Variants in NBPF6 observed in about 807,000 individuals in gnomAD.
NBPF6 encodes the protein NBPF member 6.
A neutral mutation model predicts 20.8 loss-of-function variants in NBPF6; 2 were observed. The observed-to-expected ratio is 0.10, with a 90% CI of 0.04 to 0.30. The LOEUF (loss-of-function observed/expected upper bound fraction) is 0.30, where lower values mean the gene tolerates loss of function less well. NBPF6 is among the 10% of genes least tolerant of loss of function. The pLI, the probability that NBPF6 is intolerant of heterozygous loss-of-function variation, is 1.00. For synonymous variants in NBPF6, 24 were observed against 100.0 expected (o/e 0.24, Z 4.53); for missense variants, 85 against 260.3 (o/e 0.33, Z 4.63).
At chr1:108,435,745 A>G in the NBPF6 span, among the ~76,000 whole-genome samples, 1 of 53,866 alleles carries the variant, frequency 1.9e-5, no homozygotes, top group Non-Finnish European at 4.8e-5. Flanking sequence ...AAAACTGAAT[A>G]TAGGTTGGGA....
Position 108,471,643 on chromosome 1 carries a change from T to G in NBPF6, c.*1005T>G, listed in dbSNP as rs1213541731. On this transcript the variant is annotated 3_prime_UTR_variant, in exon 15 of 15. Transcript: ENST00000495380. The stretch of plus-strand genomic sequence containing the variant: ...ATTTATGTTTTTACATTGGAAATTG[T>G]CTTCTCAAAATTTTACTATGTACTT... Among the ~76,000 whole-genome samples the G allele has an allele frequency of 4.6e-5, 7 of 152,234 alleles. No homozygotes were observed. Among genetic ancestry groups the G allele is most frequent in the Admixed American group, 3.9e-4 (6 of 15,286 alleles).
the NBPF6 span, among the ~76,000 whole-genome samples, chr1:108,435,931 A>G: frequency 0.013 from 1,268 of 96,124 alleles, 273 homozygotes; most frequent in African/African-American, 0.041. Flanking sequence ...AATCAATTCT[A>G]TTTTATGTAA....
intron 14 of NBPF6, among the ~76,000 whole-genome samples, chr1:108,469,939 C>G (rs1653366523): frequency 1.6e-5 from 2 of 127,044 alleles, no homozygotes; most frequent in African/African-American, 6.1e-5. Flanking sequence ...ACTGTTGAGA[C>G]CTCCAGATTG....
chr1:108,438,102 C>T, the NBPF6 span, among the ~76,000 whole-genome samples: 1 of 66,434 alleles, frequency 1.5e-5, no homozygotes, highest in African/African-American at 8.1e-5. Context: ...ACAAAATTGA[C>T]AAACTTTTAA....
chr1:108,470,567 T>C, intron 14 of NBPF6, 30 bp from the exon 15 acceptor site: 1 of 1,540,170 alleles, frequency 6.5e-7, no homozygotes, highest in Non-Finnish European at 8.8e-7. Context: ...AAAATGCTCA[T>C]TTGATTTTTT....
chr1:108,469,819 T>TTA (rs2101063816), intron 14 of NBPF6, among the ~76,000 whole-genome samples: 1 of 150,444 alleles, frequency 6.6e-6, no homozygotes, highest in East Asian at 1.9e-4. Flanking sequence ...AAACTTATAA[T>TTA]TATATATATT....
the NBPF6 span, among the ~76,000 whole-genome samples, chr1:108,435,998 A>AT: frequency 1.9e-5 from 2 of 103,148 alleles, no homozygotes; most frequent in African/African-American, 6.4e-5. Flanking sequence ...TGTCAAATGT[A>AT]TAAAATGCAT....
the NBPF6 span, among the ~76,000 whole-genome samples, chr1:108,442,465 GA>G: frequency 6.6e-6 from 1 of 152,296 alleles, no homozygotes; most frequent in Non-Finnish European, 1.5e-5. Context: ...CACTTAGGTA[GA>G]AAATATTTGG....
At position 108,470,765 on chromosome 1, in the gene NBPF6, T is replaced by C. The variant is rs1653420981; in HGVS notation, c.*127T>C. 1.5e-6 allele frequency: 1 copy of C among 650,714 alleles called. No homozygotes were observed. Among genetic ancestry groups the C allele is most frequent in the Non-Finnish European group, 2.6e-6 (1 of 384,652 alleles). 40.3% of individuals were successfully genotyped at this position (650,714 alleles called of 1,614,324 possible). ...ATTGAATTTCAGACACAGAATACTC[T>C]TGATGACTTCAAGCCACTATGCTCC... is the stretch of plus-strand genomic sequence containing the variant. On this transcript the variant is annotated 3_prime_UTR_variant, in exon 15 of 15. Transcript: ENST00000495380.
rs1653475112 is a variant in NBPF6 at position 108,471,539 on chromosome 1, A to G, written c.*901A>G. 6.6e-6 allele frequency among the ~76,000 whole-genome samples: 1 copy of G among 152,332 alleles called. No individual in the cohort carries two copies. Among genetic ancestry groups the G allele is most frequent in the South Asian group, 2.1e-4 (1 of 4,830 alleles). ...AAATTGGAAAGTGGTTTGAAATAGT[A>G]TAAATATCCTGTATTCTAACAATCT... On this transcript the variant is annotated 3_prime_UTR_variant, in exon 15 of 15. Coordinates refer to ENST00000495380, the MANE Select transcript of NBPF6 (RefSeq NM_001143988.2).
In NBPF6 at chr1:108,467,627, G is replaced by A. The variant is rs1237375054; in HGVS notation, c.1837G>A (p.Ala613Thr). 6.5e-7 allele frequency: 1 copy of A among 1,549,602 alleles called. No individual in the cohort carries two copies. The highest frequency in any genetic ancestry group is 1.2e-5 in the South Asian group (1 of 83,896). Residue 613 changes from alanine to threonine, a missense_variant, in exon 14 of 15, where the codon GCA becomes ACA. Ala to Thr is a moderately conservative substitution (Grantham distance 58). Coordinates refer to ENST00000495380, the MANE Select transcript of NBPF6 (RefSeq NM_001143988.2). ...ACTCCCGTTCAGCAAGTGGAGACTG[G>A]CATTCAGATTCGCTGGCCCGCATGC... ...RRLPFSKWRLAFRFAGPHAES... is the reference protein window; with the variant it reads ...RRLPFSKWRLTFRFAGPHAES...
At position 108,471,624 on chromosome 1, in the gene NBPF6, G is replaced by A. The variant is rs370040910; in HGVS notation, c.*986G>A. ...TGCCTGTGTCAGTTATTATATTTATGTTTTTACATTGGAAATTGTCTTCTC... is the reference window on the plus strand; with the variant it reads ...TGCCTGTGTCAGTTATTATATTTATATTTTTACATTGGAAATTGTCTTCTC... On this transcript the variant is annotated 3_prime_UTR_variant, in exon 15 of 15. Transcript: ENST00000495380. 6.6e-6 allele frequency among the ~76,000 whole-genome samples: 1 copy of A among 152,116 alleles called. No homozygotes were observed. The highest frequency in any genetic ancestry group is 1.5e-5 in the Non-Finnish European group (1 of 68,020).
intron 14 of NBPF6, 121 bp downstream of exon 14, chr1:108,467,786 G>A (rs1653222722): frequency 3.8e-6 from 4 of 1,044,746 alleles, no homozygotes; most frequent in East Asian, 2.6e-5. Flanking sequence ...TCTAACCTCT[G>A]TCTGGTCTTA....
the NBPF6 span, among the ~76,000 whole-genome samples, chr1:108,429,372 C>T: frequency 0.23 from 15,401 of 67,784 alleles, 63 homozygotes; most frequent in South Asian, 0.31. Context: ...GCTAGCTCTG[C>T]GGTTTGTTTG....
At position 108,465,404 on chromosome 1, in the gene NBPF6, G is replaced by A; in HGVS notation, c.1640G>A (p.Gly547Glu). Residue 547 changes from glycine (G) to glutamate (E), a missense_variant, in exon 13 of 15, where the codon GGG (glycine) becomes GAG (glutamate). Physicochemically the swap from Gly to Glu is moderately conservative, Grantham distance 98. Transcript: ENST00000495380. ...TCSFSANADS[G>E]NQWPFQELVL... ...AGCTTCTCAGCCAATGCTGATTCTG[G>A]GAACCAATGGCCCTTCCAAGGTAGG... 3 of 719,204 alleles carry A rather than the reference G, an allele frequency of 4.2e-6. No homozygotes were observed. The highest frequency in any genetic ancestry group is 6.4e-6 in the Non-Finnish European group (3 of 469,348). The allele number at this position is 719,204 out of a possible 1,614,324, so 44.6% of individuals were successfully genotyped here. A position where few individuals can be genotyped will look rare whatever the true frequency, so the allele number is the denominator to read the frequency against.
intron 2 of NBPF6, among the ~76,000 whole-genome samples, chr1:108,451,410 T>C (rs2101043411): frequency 8.6e-6 from 1 of 115,786 alleles, no homozygotes; most frequent in South Asian, 2.8e-4. Flanking sequence ...ATTGTAGAGG[T>C]AGCAGTGTAG....
In NBPF6 at chr1:108,465,266, A is replaced by G; in HGVS notation, c.1502A>G (p.Gln501Arg). ...SHHRSEVQIS[Q>R]AQLEPSTLVP... ...CACCGGTCAGAGGTTCAAATTTCAC[A>G]GGCACAGCTGGAACCAAGCACCCTG... Residue 501 changes from glutamine (Q) to arginine (R), a missense_variant, in exon 13 of 15, where the codon CAG becomes CGG. Physicochemically the swap from Gln to Arg is conservative, Grantham distance 43. This residue lies in a region of NBPF6 where 43 missense variants were observed against 97.3 expected (regional missense o/e 0.44). Coordinates refer to ENST00000495380, the MANE Select transcript of NBPF6 (RefSeq NM_001143988.2). 1 of 1,195,058 alleles carries G rather than the reference A, an allele frequency of 8.4e-7. No individual in the cohort carries two copies. The highest frequency in any genetic ancestry group is 1.1e-6 in the Non-Finnish European group (1 of 881,552). 74.0% of individuals were successfully genotyped at this position (1,195,058 alleles called of 1,614,324 possible).
upstream of NBPF6, among the ~76,000 whole-genome samples, chr1:108,448,258 TA>T (rs1431205909): frequency 1.4e-5 from 2 of 145,498 alleles, 1 homozygote; most frequent in Non-Finnish European, 3.1e-5. Context: ...TAAATTTATC[TA>T]TTCTCTGGTG....
intron 13 of NBPF6, among the ~76,000 whole-genome samples, chr1:108,465,828 G>A (rs1282709606): frequency 2.9e-5 from 3 of 104,066 alleles, no homozygotes; most frequent in African/African-American, 7.7e-5. Flanking sequence ...GTGATTTCAC[G>A]GACGATGTCT....
Sources: allele counts gnomAD v4.1 joint callset (sites outside exome capture counted in the v4.1 genomes callset), GRCh38; gene constraint gnomAD v4.1.1; regional missense constraint gnomAD v4.1.1; transcripts MANE v1.5; gene names NCBI Gene and HGNC (gene_info 2026-07-23, HGNC 2026-07-21).